SAMD3: variants seen among roughly 807,000 people sequenced by gnomAD.
The protein encoded by SAMD3 is sterile alpha motif domain containing 3.
In SAMD3, 63 loss-of-function variants were observed where a neutral mutation model predicts 58.5. The observed-to-expected ratio is 1.08, with a 90% CI of 0.88 to 1.33. SAMD3 has a LOEUF of 1.33. SAMD3 is among the 40% of genes most tolerant of loss of function. SAMD3 has a pLI of 0.00. For synonymous variants in SAMD3, 220 were observed against 210.3 expected (o/e 1.05, Z -0.40); for missense variants, 604 against 608.4 (o/e 0.99, Z 0.08).
intron 8 of SAMD3, among the ~76,000 whole-genome samples, chr6:130,172,621 C>G (rs34755921): frequency 0.039 from 5,905 of 152,280 alleles, 163 homozygotes; most frequent in Non-Finnish European, 0.061. Context: ...TGGCCTTTCT[C>G]TCTGGCTGCC....
At chr6:130,361,047 T>A (rs1447850890) in intron 1 of SAMD3, among the ~76,000 whole-genome samples, 1 of 152,108 alleles carries the variant, frequency 6.6e-6, no homozygotes, top group Admixed American at 6.6e-5. Flanking sequence ...CAAACACACA[T>A]GCTCTACAAT....
At chr6:130,287,946 A>C (rs1021536230) in intron 2 of SAMD3, among the ~76,000 whole-genome samples, 1 of 79,888 alleles carries the variant, frequency 1.3e-5, no homozygotes, top group Non-Finnish European at 2.9e-5. Context: ...TCCGTCTCAA[A>C]AAAAAAAAAA....
intron 1 of SAMD3, among the ~76,000 whole-genome samples, chr6:130,353,412 AG>A (rs1277296953): frequency 6.6e-6 from 1 of 152,198 alleles, no homozygotes; most frequent in Non-Finnish European, 1.5e-5. Context: ...TTATTTATTT[AG>A]GTTATTAATT....
At chr6:130,256,572 C>T (rs1339367044) in intron 2 of SAMD3, among the ~76,000 whole-genome samples, 1 of 152,136 alleles carries the variant, frequency 6.6e-6, no homozygotes, top group Non-Finnish European at 1.5e-5. Flanking sequence ...TGTATTGCTG[C>T]ATGTCATTCC....
upstream of SAMD3, among the ~76,000 whole-genome samples, chr6:130,226,276 G>A (rs1204559039): frequency 6.6e-6 from 1 of 152,096 alleles, no homozygotes; most frequent in African/African-American, 2.4e-5. Flanking sequence ...AAGAACAAGG[G>A]GTGTACTTCA....
At chr6:130,340,986 AAAT>A in intron 1 of SAMD3, among the ~76,000 whole-genome samples, 1 of 152,322 alleles carries the variant, frequency 6.6e-6, no homozygotes, top group Middle Eastern at 3.4e-3. Context: ...TGGATGCAAA[AAAT>A]GATGCCAGAA....
At chr6:130,207,054 C>T (rs7773079) in intron 5 of SAMD3, among the ~76,000 whole-genome samples, 7,917 of 150,168 alleles carry the variant, frequency 0.053, 831 homozygotes, top group East Asian at 0.32. Flanking sequence ...AAGGCTAAGG[C>T]GGGAGGATTT....
chr6:130,228,874 G>T (rs568658699), intron 2 of SAMD3, among the ~76,000 whole-genome samples: 2 of 152,234 alleles, frequency 1.3e-5, no homozygotes, highest in East Asian at 3.9e-4. Flanking sequence ...GTGGGCTCTG[G>T]GCTCCTTGCC....
intron 1 of SAMD3, among the ~76,000 whole-genome samples, chr6:130,352,163 T>C (rs1178975015): frequency 6.6e-6 from 1 of 152,022 alleles, no homozygotes; most frequent in Non-Finnish European, 1.5e-5. Flanking sequence ...TGTATGCATA[T>C]GTAACAAACC....
chr6:130,313,699 G>A (rs1160003545), intron 1 of SAMD3, among the ~76,000 whole-genome samples: 3 of 152,270 alleles, frequency 2.0e-5, no homozygotes, highest in Non-Finnish European at 2.9e-5. Context: ...TCCTGGAGAG[G>A]GGATCTGGGG....
chr6:130,330,074 A>C (rs749527427), intron 1 of SAMD3, among the ~76,000 whole-genome samples: 3 of 152,188 alleles, frequency 2.0e-5, no homozygotes, highest in African/African-American at 7.2e-5. Context: ...CCAGAACTTA[A>C]AGATAAAAAA....
chr6:130,349,292 T>C (rs1000082167), intron 1 of SAMD3, among the ~76,000 whole-genome samples: 1 of 152,118 alleles, frequency 6.6e-6, no homozygotes, highest in Non-Finnish European at 1.5e-5. Context: ...ATCCAGGAGA[T>C]GGTTTTTTGA....
rs1583039968 is a variant in SAMD3, at chr6:130,276,769, C to T, written c.-188+36209G>A. Among the ~76,000 whole-genome samples, 5 of 152,154 alleles carry T rather than the reference C, an allele frequency of 3.3e-5. No individual in the cohort carries two copies. The East Asian group carries it at 9.7e-4, about 30-fold the overall frequency. ...GTTAGCCAAGTAGAAGACAGGAATT[C>T]ATTACTCATATCAGCTTCCCTGAGA... On this transcript the variant is annotated intron_variant, in intron 2 of 13. Coordinates refer to the SAMD3 transcript ENST00000368134.
intron 1 of SAMD3, among the ~76,000 whole-genome samples, chr6:130,356,551 C>T (rs910930275): frequency 1.2e-4 from 18 of 152,256 alleles, no homozygotes; most frequent in Admixed American, 7.2e-4. Flanking sequence ...TCTGCCCCTC[C>T]GGCATCTAAG....
chr6:130,344,856 G>GA (rs1777394895), intron 1 of SAMD3, among the ~76,000 whole-genome samples: 1 of 99,150 alleles, frequency 1.0e-5, no homozygotes, highest in South Asian at 3.6e-4. Flanking sequence ...AAAAAAAAGA[G>GA]AAAGACTGCA....
At chr6:130,282,176 G>A (rs1775004402) in intron 2 of SAMD3, among the ~76,000 whole-genome samples, 1 of 151,982 alleles carries the variant, frequency 6.6e-6, no homozygotes, top group African/African-American at 2.4e-5. Context: ...AGGGAGATGG[G>A]GGGTAGAGAG....
At position 130,244,538 on chromosome 6, in the gene SAMD3, G is replaced by A. The variant is rs898500587; in HGVS notation, c.-187-21725C>T. Among the ~76,000 whole-genome samples, 3 of 152,114 alleles carry A rather than the reference G, an allele frequency of 2.0e-5. No homozygotes were observed. In the East Asian group the frequency reaches 5.8e-4, roughly 29 times the overall value. ...GAGAATCACCTGAACTCAGGAGTTC[G>A]AGATCAGCCTGACCAACATGAAGAA... On this transcript the variant is annotated intron_variant, in intron 2 of 13. Transcript: ENST00000368134.
chr6:130,253,749 T>A (rs936379148), intron 2 of SAMD3, among the ~76,000 whole-genome samples: 1 of 71,786 alleles, frequency 1.4e-5, no homozygotes, highest in Non-Finnish European at 2.5e-5. Context: ...AAAATTATTA[T>A]TTTTTTTTGG....
chr6:130,215,978 AT>A (rs1286389493), intron 2 of SAMD3: 2 of 618,840 alleles, frequency 3.2e-6, no homozygotes, highest in Non-Finnish European at 5.4e-6. Context: ...CACTGTTATG[AT>A]TGGTAAGATA....
Sources: allele counts gnomAD v4.1 joint callset (sites outside exome capture counted in the v4.1 genomes callset), GRCh38; gene constraint gnomAD v4.1.1; transcripts MANE v1.5; gene names NCBI Gene and HGNC (gene_info 2026-07-23, HGNC 2026-07-21).